Variants in SYNPO2 observed in about 807,000 individuals in gnomAD.
The protein encoded by SYNPO2 is synaptopodin-2.
In SYNPO2, 56 loss-of-function variants were observed where a neutral mutation model predicts 85.0. The ratio of observed to expected loss-of-function variants is 0.66; its 90% CI spans 0.53 to 0.82. The LOEUF (loss-of-function observed/expected upper bound fraction) is 0.82, where lower values mean the gene tolerates loss of function less well. Ranked by LOEUF, SYNPO2 falls within the 40% of genes least tolerant of loss-of-function variation. The pLI, the probability that SYNPO2 is intolerant of heterozygous loss-of-function variation, is 0.00. For synonymous variants in SYNPO2, 602 were observed against 591.1 expected (o/e 1.02, Z -0.27); for missense variants, 1,575 against 1,534.2 (o/e 1.03, Z -0.44).
At chr4:118,972,108 A>ATT (rs1227942088) in intron 1 of SYNPO2, among the ~76,000 whole-genome samples, 3 of 152,256 alleles carry the variant, frequency 2.0e-5, no homozygotes, top group Non-Finnish European at 2.9e-5. Context: ...CAGAACATAA[A>ATT]AGAAAGAGAG....
At chr4:119,000,814 G>T (rs770411906) in intron 1 of SYNPO2, among the ~76,000 whole-genome samples, 3 of 152,180 alleles carry the variant, frequency 2.0e-5, no homozygotes, top group Non-Finnish European at 4.4e-5. Context: ...TATGTCATTT[G>T]CAGAGAGGGT....
intron 1 of SYNPO2, among the ~76,000 whole-genome samples, chr4:118,879,352 C>G (rs1157968263): frequency 6.6e-6 from 1 of 152,266 alleles, no homozygotes; most frequent in East Asian, 1.9e-4. Flanking sequence ...GTTTTTGTCT[C>G]CCCTGAAATT....
At chr4:118,870,299 G>A (rs184029364) in intron 1 of SYNPO2, among the ~76,000 whole-genome samples, 31 of 152,362 alleles carry the variant, frequency 2.0e-4, no homozygotes, top group African/African-American at 7.0e-4. Flanking sequence ...CCCCTTCAGA[G>A]GCAGCTTTGT....
chr4:118,888,964 T>C lies in SYNPO2; in HGVS notation c.-73T>C, dbSNP rs1227177604. On this transcript the variant is annotated 5_prime_UTR_variant, in exon 1 of 5. Transcript: ENST00000307142. The stretch of plus-strand genomic sequence containing the variant: ...TCCTCGGCAGGCGCCCGAAGCTGAG[T>C]GCGCATCCTCTACCGCACCCAAGCT... The C allele has an allele frequency of 6.8e-7, 1 of 1,468,468 alleles. No homozygotes were observed. The allele number at this position is 1,468,468 out of a possible 1,614,324, so 91.0% of individuals were successfully genotyped here.
chr4:118,863,998 G>T (rs1026182228), intron 1 of SYNPO2, among the ~76,000 whole-genome samples: 6 of 151,990 alleles, frequency 3.9e-5, no homozygotes, highest in African/African-American at 1.4e-4. Flanking sequence ...GACTAATTTT[G>T]GGTTTGGTTT....
Position 119,030,534 on chromosome 4 carries a change from AGAAC to A in SYNPO2, c.1761_1764del (p.Thr588ProfsTer8). ...CATCCAGAGGATGGTCCCCATGAAT[AGAAC>A]GGCCAAACCCTTCCCAGGGTCTGTG... On this transcript the variant is annotated frameshift_variant, in exon 4 of 5. Coordinates refer to ENST00000307142, the MANE Select transcript of SYNPO2 (RefSeq NM_133477.3). LOFTEE classifies it high-confidence loss of function. The A allele has an allele frequency of 6.2e-7, 1 of 1,614,226 alleles. No individual in the cohort carries two copies. Among genetic ancestry groups the A allele is most frequent in the Non-Finnish European group, 8.5e-7 (1 of 1,180,046 alleles).
intron 4 of SYNPO2, chr4:119,033,025 G>A (rs1738349553): frequency 1.0e-6 from 1 of 984,764 alleles, no homozygotes; most frequent in Non-Finnish European, 1.2e-6. Flanking sequence ...GAGGCAAGTG[G>A]TAGAGTATAC....
intron 1 of SYNPO2, among the ~76,000 whole-genome samples, chr4:118,913,911 G>A (rs1039875736): frequency 2.6e-5 from 4 of 152,128 alleles, no homozygotes; most frequent in Non-Finnish European, 4.4e-5. Flanking sequence ...ATTATCTGAT[G>A]CATACTTGGG....
chr4:118,996,119 C>T (rs753622055), intron 1 of SYNPO2, among the ~76,000 whole-genome samples: 2 of 152,208 alleles, frequency 1.3e-5, no homozygotes, highest in South Asian at 2.1e-4. Flanking sequence ...CCTCATCTCT[C>T]TCATGACTCT....
At chr4:118,876,975 T>G (rs1206226815) in intron 1 of SYNPO2, among the ~76,000 whole-genome samples, 1 of 151,662 alleles carries the variant, frequency 6.6e-6, no homozygotes. Context: ...AATTAAATTT[T>G]TTTTTTTTCT....
At chr4:119,007,233 T>TATATATGTATATAC (rs1737077206) in intron 1 of SYNPO2, among the ~76,000 whole-genome samples, 5 of 42,086 alleles carry the variant, frequency 1.2e-4, no homozygotes, top group East Asian at 7.5e-4. Context: ...TATATATATA[T>TATATATGTATATAC]ATATATATAT....
At chr4:118,931,961 A>T (rs1431336549) in intron 1 of SYNPO2, among the ~76,000 whole-genome samples, 4 of 152,168 alleles carry the variant, frequency 2.6e-5, no homozygotes, top group African/African-American at 9.7e-5. Flanking sequence ...TCACTGCTTC[A>T]AATTTCTACT....
rs575353553 is a variant in SYNPO2, at chr4:118,853,269, T to A, written c.12+2329T>A. 2.0e-5 allele frequency among the ~76,000 whole-genome samples: 3 copies of A among 152,324 alleles called. No homozygotes were observed. In the East Asian group the frequency reaches 5.8e-4, roughly 29 times the overall value. ...AGATGTTTGTAGATTTGAATTGAAT[T>A]TATTTCCATTGTGAATTTAAACTGC... On this transcript the variant is annotated intron_variant, in intron 1 of 4. Coordinates refer to the SYNPO2 transcript ENST00000610556.
chr4:118,927,225 A>C (rs949080339), intron 1 of SYNPO2, among the ~76,000 whole-genome samples: 1 of 152,166 alleles, frequency 6.6e-6, no homozygotes, highest in Non-Finnish European at 1.5e-5. Flanking sequence ...GAGAGGCAAG[A>C]TGAAATTTCT....
At chr4:118,940,105 C>T (rs1734255575) in intron 1 of SYNPO2, among the ~76,000 whole-genome samples, 1 of 151,814 alleles carries the variant, frequency 6.6e-6, no homozygotes, top group African/African-American at 2.4e-5. Flanking sequence ...CCTGCCTCAA[C>T]CTCTCGAGTA....
chr4:118,866,385 GC>G (rs1367712895), intron 1 of SYNPO2, among the ~76,000 whole-genome samples: 1 of 152,144 alleles, frequency 6.6e-6, no homozygotes, highest in Non-Finnish European at 1.5e-5. Context: ...GAGAACGACT[GC>G]TCCAACACCA....
rs1448569210 is a variant in SYNPO2, at chr4:119,026,831, C to G, written c.462C>G (p.Gly154=). 1.9e-6 allele frequency: 3 copies of G among 1,613,994 alleles called. No homozygotes were observed. The highest frequency in any genetic ancestry group is 2.5e-6 in the Non-Finnish European group (3 of 1,180,010). ...ENQRSGPDCA[G]SLKEETGPSY... is the part of the protein sequence containing the mutation. ...AAAGAAGTGGTCCCGACTGTGCAGG[C>G]AGCTTGAAAGAAGAAACAGGCCCGA... The change falls in exon 3 of 5, where the codon GGC becomes GGG. Residue 154 remains glycine, a synonymous_variant. Coordinates refer to ENST00000307142, the MANE Select transcript of SYNPO2 (RefSeq NM_133477.3).
intron 1 of SYNPO2, among the ~76,000 whole-genome samples, chr4:118,943,746 A>C (rs555076497): frequency 1.5e-4 from 23 of 152,350 alleles, no homozygotes; most frequent in African/African-American, 5.5e-4. Flanking sequence ...ATTTTCATAA[A>C]AATTGAGGAC....
chr4:119,007,224 ATATATATATATATATATATATG>A (rs1273747718), intron 1 of SYNPO2, among the ~76,000 whole-genome samples: 2 of 50,504 alleles, frequency 4.0e-5, no homozygotes, highest in Non-Finnish European at 7.0e-5. Context: ...AGGTATATAT[ATATATATATATATATATATATG>A]TATATACATA....
Sources: gnomAD v4.1 joint callset for allele counts (sites outside exome capture counted in the v4.1 genomes callset) on GRCh38, gnomAD v4.1.1 for gene constraint, MANE v1.5 for transcripts, NCBI Gene and HGNC (gene_info 2026-07-23, HGNC 2026-07-21) for gene names.